The following POLR1F variants were observed in gnomAD, a reference collection of about 807,000 sequenced individuals.
The protein encoded by POLR1F is RNA polymerase I subunit F, also known as DNA-directed RNA polymerase I subunit RPA43.
A neutral mutation model predicts 21.8 loss-of-function variants in POLR1F; 23 were observed. The ratio of observed to expected loss-of-function variants is 1.05; its 90% confidence interval spans 0.76 to 1.49. The LOEUF (loss-of-function observed/expected upper bound fraction) is 1.49, where lower values mean the gene tolerates loss of function less well. Among genes scored for constraint, POLR1F ranks in the 40% most tolerant of loss-of-function variants. The pLI is 0.00. For synonymous variants in POLR1F, 162 were observed against 152.8 expected (o/e 1.06, Z -0.45); for missense variants, 435 against 412.1 (o/e 1.06, Z -0.48).
chr7:19,706,513 G>A (rs1783527883), intron 1 of POLR1F, among the ~76,000 whole-genome samples: 1 of 152,184 alleles, frequency 6.6e-6, no homozygotes, highest in Admixed American at 6.5e-5. Context: ...AAACTTTGCA[G>A]AAGCCAGGGA....
At chr7:19,702,465 C>T (rs894498618) in intron 2 of POLR1F, among the ~76,000 whole-genome samples, 6 of 152,108 alleles carry the variant, frequency 3.9e-5, no homozygotes, top group African/African-American at 1.4e-4. Context: ...AAACTAAAAG[C>T]TTGTAGAAGT....
At chr7:19,701,444 G>A (rs755548681) in intron 2 of POLR1F, among the ~76,000 whole-genome samples, 4 of 152,124 alleles carry the variant, frequency 2.6e-5, no homozygotes, top group Non-Finnish European at 5.9e-5. Context: ...TAACTATTCC[G>A]TATCATACTA....
Position 19,698,399 on chromosome 7 carries a change from T to C in POLR1F, c.934A>G (p.Lys312Glu), listed in dbSNP as rs993962421. The C allele has an allele frequency of 3.1e-6, 5 of 1,607,736 alleles. No homozygotes were observed. The highest frequency in any genetic ancestry group is 4.2e-6 in the Non-Finnish European group (5 of 1,178,634). Residue 312 changes from lysine (K) to glutamate (E), a missense_variant, in exon 4 of 4, where the codon AAA becomes GAA. Lys to Glu is a moderately conservative substitution (Grantham distance 56). Coordinates refer to ENST00000222567, the MANE Select transcript of POLR1F (RefSeq NM_001002926.2). Reference protein sequence around the residue: ...YQSDHKKKKKKRKHSEEAEFT... With the variant: ...YQSDHKKKKKERKHSEEAEFT... ...TCGGCCTCTTCACTGTGTTTTCTTT[T>C]CTTTTTTTTCTTTTTATGGTCACTT...
rs898478056 is a variant in POLR1F, at chr7:19,697,030, C to A, written c.*1286G>T. On this transcript the variant is annotated 3_prime_UTR_variant, in exon 4 of 4. Transcript: ENST00000222567. ...TCCCATCATTGTAAGTTCAGATCAA[C>A]ATATACCACTAGCAGAATTTATTCA... 1 of 152,094 alleles carries A rather than the reference C, an allele frequency of 6.6e-6. No homozygotes were observed. The highest frequency in any genetic ancestry group is 6.5e-5 in the Admixed American group (1 of 15,268). The allele number at this position is 152,094 out of a possible 1,614,324, so 9.4% of individuals were successfully genotyped here.
rs1783369046 is a variant in POLR1F at position 19,696,672 on chromosome 7, G to T, written c.*1644C>A. 1 of 151,822 alleles carries T rather than the reference G, an allele frequency of 6.6e-6. No homozygotes were observed. The highest frequency in any genetic ancestry group is 1.5e-5 in the Non-Finnish European group (1 of 67,876). 9.4% of individuals were successfully genotyped at this position (151,822 alleles called of 1,614,324 possible). ...TCCTTTAAAATAGCACTGACCAAAA[G>T]AAAGTTAACATGAGCTTCATGTACA... On this transcript the variant is annotated 3_prime_UTR_variant, in exon 4 of 4. Coordinates refer to ENST00000222567, the MANE Select transcript of POLR1F (RefSeq NM_001002926.2).
At chr7:19,702,529 C>A (rs143868565) in intron 2 of POLR1F, among the ~76,000 whole-genome samples, 1 of 152,036 alleles carries the variant, frequency 6.6e-6, no homozygotes, top group East Asian at 1.9e-4. Flanking sequence ...TTGATAGGGT[C>A]CAGAAAGCAA....
chr7:19,698,914 G>A (rs1050131097), intron 3 of POLR1F, among the ~76,000 whole-genome samples, 187 bp from the exon 4 acceptor site: 1 of 152,040 alleles, frequency 6.6e-6, no homozygotes, highest in African/African-American at 2.4e-5. Context: ...TGTATGGGCT[G>A]CTGAATGTTA....
Position 19,698,416 on chromosome 7 carries a change from T to A in POLR1F, c.917A>T (p.His306Leu). 1 of 1,609,602 alleles carries A rather than the reference T, an allele frequency of 6.2e-7. No homozygotes were observed. ...TTTTCTTTTCTTTTTTTTCTTTTTATGGTCACTTTGGTAACCACTGGAGTC... is the reference window on the plus strand; with the variant it reads ...TTTTCTTTTCTTTTTTTTCTTTTTAAGGTCACTTTGGTAACCACTGGAGTC... ...GSDSSGYQSD[H>L]KKKKKKRKHS... Residue 306 changes from histidine (H) to leucine (L), a missense_variant, in exon 4 of 4, where the codon CAT (histidine) becomes CTT (leucine). Physicochemically the swap from His to Leu is moderately conservative, Grantham distance 99. Coordinates refer to ENST00000222567, the MANE Select transcript of POLR1F (RefSeq NM_001002926.2).
rs920513660 is a variant in POLR1F at position 19,697,627 on chromosome 7, A to C, written c.*689T>G. On this transcript the variant is annotated 3_prime_UTR_variant, in exon 4 of 4. Coordinates refer to ENST00000222567, the MANE Select transcript of POLR1F (RefSeq NM_001002926.2). ...ACACACAACAAAACTAGAATGGCTGAGGCACAAATGAACAAGTACAAGAAA... is the reference window on the plus strand; with the variant it reads ...ACACACAACAAAACTAGAATGGCTGCGGCACAAATGAACAAGTACAAGAAA... 6.6e-6 allele frequency: 1 copy of C among 152,194 alleles called. No individual in the cohort carries two copies. The highest frequency in any genetic ancestry group is 6.5e-5 in the Admixed American group (1 of 15,272). 9.4% of individuals were successfully genotyped at this position (152,194 alleles called of 1,614,324 possible).
At position 19,696,664 on chromosome 7, in the gene POLR1F, G is replaced by A. The variant is rs1783368974; in HGVS notation, c.*1652C>T. ...CTCATACTTCCTTTAAAATAGCACTGACCAAAAGAAAGTTAACATGAGCTT... is the reference window on the plus strand; with the variant it reads ...CTCATACTTCCTTTAAAATAGCACTAACCAAAAGAAAGTTAACATGAGCTT... On this transcript the variant is annotated 3_prime_UTR_variant, in exon 4 of 4. Transcript: ENST00000222567. 6.6e-6 allele frequency: 1 copy of A among 151,722 alleles called. No homozygotes were observed. The highest frequency in any genetic ancestry group is 1.5e-5 in the Non-Finnish European group (1 of 67,860). The allele number at this position is 151,722 out of a possible 1,614,324, so 9.4% of individuals were successfully genotyped here. A position where few individuals can be genotyped will look rare whatever the true frequency, so the allele number is the denominator to read the frequency against.
At chr7:19,708,147 C>T (rs1270376220) in intron 1 of POLR1F, among the ~76,000 whole-genome samples, 1 of 152,114 alleles carries the variant, frequency 6.6e-6, no homozygotes, top group Non-Finnish European at 1.5e-5. Context: ...AAGCAACAGG[C>T]TCACTAGTTC....
chr7:19,698,545 T>C lies in POLR1F; in HGVS notation c.788A>G (p.Asn263Ser). The change falls in exon 4 of 4, where the codon AAT becomes AGT. Residue 263 changes from asparagine (N) to serine (S), a missense_variant. Asn to Ser is a conservative substitution (Grantham distance 46). Transcript: ENST00000222567. ...DTPMEESALQ[N>S]TNNANGIWEE... ...CCAGATGCCATTCGCATTATTAGTA[T>C]TCTGCAGGGCTGACTCTTCCATTGG... The C allele has an allele frequency of 6.2e-7, 1 of 1,609,472 alleles. No homozygotes were observed. The highest frequency in any genetic ancestry group is 8.5e-7 in the Non-Finnish European group (1 of 1,178,820).
intron 1 of POLR1F, among the ~76,000 whole-genome samples, chr7:19,706,812 C>A (rs539435709): frequency 2.6e-5 from 4 of 152,150 alleles, no homozygotes; most frequent in Non-Finnish European, 5.9e-5. Context: ...TTTTCAGATA[C>A]CATCCTAAAT....
Position 19,698,370 on chromosome 7 carries a change from A to G in POLR1F, c.963T>C (p.Phe321=), listed in dbSNP as rs772649495. The change falls in exon 4 of 4, where the codon TTT becomes TTC. Residue 321 remains phenylalanine, a synonymous_variant. Coordinates refer to ENST00000222567, the MANE Select transcript of POLR1F (RefSeq NM_001002926.2). Reference sequence around the variant, plus strand: ...TTGGTGAGCATTTCAAAGGTGGGGTAAATTCGGCCTCTTCACTGTGTTTTC... The same window carrying G: ...TTGGTGAGCATTTCAAAGGTGGGGTGAATTCGGCCTCTTCACTGTGTTTTC... ...KKRKHSEEAE[F]TPPLKCSPKR... is the part of the protein sequence containing the mutation. The G allele has an allele frequency of 1.3e-5, 21 of 1,585,724 alleles. 1 individual carries two copies. In the South Asian group the frequency reaches 2.0e-4, roughly 15 times the overall value.
rs1783380984 is a variant in POLR1F, at chr7:19,697,233, T to C, written c.*1083A>G. On this transcript the variant is annotated 3_prime_UTR_variant, in exon 4 of 4. Coordinates refer to ENST00000222567, the MANE Select transcript of POLR1F (RefSeq NM_001002926.2). ...CTTAATACAATTATTAATTTTCTTA[T>C]TTATTGTGTGTATATGCACATCTGT... The C allele has an allele frequency of 6.6e-6, 1 of 152,116 alleles. No homozygotes were observed. Among genetic ancestry groups the C allele is most frequent in the South Asian group, 2.1e-4 (1 of 4,834 alleles). The allele number at this position is 152,116 out of a possible 1,614,324, so 9.4% of individuals were successfully genotyped here. A position where few individuals can be genotyped will look rare whatever the true frequency, so the allele number is the denominator to read the frequency against.
At position 19,700,129 on chromosome 7, in the gene POLR1F, C is replaced by T. The variant is rs184953541; in HGVS notation, c.548G>A (p.Arg183His). The T allele has an allele frequency of 4.6e-5, 74 of 1,613,860 alleles. No individual in the cohort carries two copies. The highest frequency in any genetic ancestry group is 1.3e-4 in the Admixed American group (8 of 60,008). The change falls in exon 3 of 4, where the codon CGT becomes CAT. Residue 183 changes from arginine (R) to histidine (H), a missense_variant. Physicochemically the swap from Arg to His is conservative, Grantham distance 29 (BLOSUM62 0). Coordinates refer to ENST00000222567, the MANE Select transcript of POLR1F (RefSeq NM_001002926.2). ...TACTCCAGCAGCATCTGAGTCTAAA[C>T]GAAATACTTCAAATTCTAGTTCATC... is the stretch of plus-strand genomic sequence containing the variant. ...MGDELEFEVF[R>H]LDSDAAGVFC...
rs1783367914 is a variant in POLR1F at position 19,696,574 on chromosome 7, T to A, written c.*1742A>T. 1 of 152,052 alleles carries A rather than the reference T, an allele frequency of 6.6e-6. No homozygotes were observed. The allele number at this position is 152,052 out of a possible 1,614,324, so 9.4% of individuals were successfully genotyped here. A position where few individuals can be genotyped will look rare whatever the true frequency, so the allele number is the denominator to read the frequency against. ...TGTGAAGGGAACACTTACTAAGCAT[T>A]TCCTGGGTATGCCACTATATTAAGT... On this transcript the variant is annotated 3_prime_UTR_variant, in exon 4 of 4. Transcript: ENST00000222567.
Position 19,700,089 on chromosome 7 carries a change from T to C in POLR1F, c.588A>G (p.Gly196=). 1 of 1,613,724 alleles carries C rather than the reference T, an allele frequency of 6.2e-7. No homozygotes were observed. Among genetic ancestry groups the C allele is most frequent in the Middle Eastern group, 1.7e-4 (1 of 6,058 alleles). ...AAACTAACCTTGTGATATTTAGTTTTCCCCGAATGCAGAATACTCCAGCAG... is the reference window on the plus strand; with the variant it reads ...AAACTAACCTTGTGATATTTAGTTTCCCCCGAATGCAGAATACTCCAGCAG... ...SDAAGVFCIR[G]KLNITSLQFK... is the part of the protein sequence containing the mutation. Residue 196 remains glycine, a synonymous_variant, in exon 3 of 4, where the codon GGA becomes GGG. Coordinates refer to ENST00000222567, the MANE Select transcript of POLR1F (RefSeq NM_001002926.2).
rs556817146 is a variant in POLR1F, at chr7:19,695,871, G to A, written c.*2445C>T. 6.6e-6 allele frequency: 1 copy of A among 152,250 alleles called. No homozygotes were observed. The highest frequency in any genetic ancestry group is 2.1e-4 in the South Asian group (1 of 4,828). 9.4% of individuals were successfully genotyped at this position (152,250 alleles called of 1,614,324 possible). A position where few individuals can be genotyped will look rare whatever the true frequency, so the allele number is the denominator to read the frequency against. On this transcript the variant is annotated 3_prime_UTR_variant, in exon 4 of 4. Coordinates refer to ENST00000222567, the MANE Select transcript of POLR1F (RefSeq NM_001002926.2). ...CAAAATGCTGCTCTTCCAACAACAA[G>A]CTTAAACACTAAACGTAAAGCATTA...
Sources: allele counts gnomAD v4.1 joint callset (sites outside exome capture counted in the v4.1 genomes callset), GRCh38; gene constraint gnomAD v4.1.1; transcripts MANE v1.5; gene names NCBI Gene and HGNC (gene_info 2026-07-23, HGNC 2026-07-21).